Variants in SLC35F1 observed in about 807,000 individuals in gnomAD.
SLC35F1 encodes the protein chromosome 6 open reading frame 169.
SLC35F1 carries 14 observed loss-of-function variants against 48.7 expected under a neutral mutation model. That is an observed-to-expected ratio of 0.29 (90% CI 0.19 to 0.45). The LOEUF (loss-of-function observed/expected upper bound fraction) is 0.45, where lower values mean the gene tolerates loss of function less well. Ranked by LOEUF, SLC35F1 falls within the 20% of genes least tolerant of loss-of-function variation. The pLI, the probability that SLC35F1 is intolerant of heterozygous loss-of-function variation, is 1.00. For missense variants in SLC35F1, 404 were observed against 500.0 expected (o/e 0.81, Z 1.83); for synonymous variants, 190 against 202.2 (o/e 0.94, Z 0.51).
At chr6:118,038,618 T>TTTA (rs765594796) in intron 1 of SLC35F1, among the ~76,000 whole-genome samples, 10 of 151,614 alleles carry the variant, frequency 6.6e-5, no homozygotes, top group Admixed American at 1.3e-4. Flanking sequence ...TTCTAAATAT[T>TTTA]TTATTATTAT....
intron 1 of SLC35F1, among the ~76,000 whole-genome samples, chr6:118,098,183 A>T (rs542429893): frequency 6.6e-6 from 1 of 152,346 alleles, no homozygotes; most frequent in African/African-American, 2.4e-5. Context: ...ACACTTTTGT[A>T]TACATGCCTA....
At chr6:117,951,765 T>G (rs930505723) in intron 1 of SLC35F1, among the ~76,000 whole-genome samples, 1 of 152,214 alleles carries the variant, frequency 6.6e-6, no homozygotes, top group African/African-American at 2.4e-5. Context: ...GACCCCACAC[T>G]AATGCTCTTT....
chr6:118,187,559 C>T (rs1003612335), intron 2 of SLC35F1, among the ~76,000 whole-genome samples: 2 of 152,148 alleles, frequency 1.3e-5, no homozygotes, highest in African/African-American at 2.4e-5. Flanking sequence ...AATCAGTTTT[C>T]CCCTAGTTAT....
At chr6:118,120,079 C>T (rs1384997626) in intron 1 of SLC35F1, among the ~76,000 whole-genome samples, 1 of 152,192 alleles carries the variant, frequency 6.6e-6, no homozygotes. Flanking sequence ...CCACCTTCTA[C>T]AGTGCCTGGC....
intron 1 of SLC35F1, among the ~76,000 whole-genome samples, chr6:118,001,358 C>G: frequency 6.6e-6 from 1 of 152,066 alleles, no homozygotes; most frequent in East Asian, 1.9e-4. Flanking sequence ...GAAAGGATTC[C>G]CCATTTAATA....
chr6:118,063,390 A>C (rs1007001669), intron 1 of SLC35F1, among the ~76,000 whole-genome samples: 2 of 149,614 alleles, frequency 1.3e-5, no homozygotes, highest in African/African-American at 4.8e-5. Flanking sequence ...TCCTATGGTT[A>C]AGGCACCAGA....
chr6:118,003,399 T>C (rs1777131643), intron 1 of SLC35F1, among the ~76,000 whole-genome samples: 1 of 152,200 alleles, frequency 6.6e-6, no homozygotes, highest in Admixed American at 6.5e-5. Flanking sequence ...TGCAGCAGGT[T>C]CTGGTTGGTT....
At chr6:117,972,188 G>T (rs999328855) in intron 1 of SLC35F1, among the ~76,000 whole-genome samples, 3 of 152,268 alleles carry the variant, frequency 2.0e-5, no homozygotes, top group South Asian at 2.1e-4. Context: ...CAGTCTCTTT[G>T]CATTGCAAGA....
At chr6:118,121,054 T>A (rs577816568) in intron 1 of SLC35F1, among the ~76,000 whole-genome samples, 1 of 152,264 alleles carries the variant, frequency 6.6e-6, no homozygotes, top group East Asian at 1.9e-4. Context: ...AGGGTGCCAG[T>A]TAAAAATAGA....
chr6:118,150,602 C>A (rs1774041664), intron 1 of SLC35F1, among the ~76,000 whole-genome samples: 1 of 152,102 alleles, frequency 6.6e-6, no homozygotes, highest in Admixed American at 6.6e-5. Flanking sequence ...CAAAGAGATG[C>A]ACTCCATACA....
intron 1 of SLC35F1, among the ~76,000 whole-genome samples, chr6:118,079,257 T>C (rs568472207): frequency 1.3e-5 from 2 of 152,364 alleles, no homozygotes; most frequent in East Asian, 3.9e-4. Flanking sequence ...ATACCTTCTA[T>C]AAATGGAATC....
At chr6:117,968,740 C>T in intron 1 of SLC35F1, among the ~76,000 whole-genome samples, 1 of 152,140 alleles carries the variant, frequency 6.6e-6, no homozygotes, top group Non-Finnish European at 1.5e-5. Flanking sequence ...TATAAACCTG[C>T]TGTTTCTGGG....
At chr6:117,909,226 A>G (rs1775734032) in intron 1 of SLC35F1, among the ~76,000 whole-genome samples, 1 of 152,208 alleles carries the variant, frequency 6.6e-6, no homozygotes, top group Non-Finnish European at 1.5e-5. Flanking sequence ...ATAAAGTAGA[A>G]TAAAGCAAGA....
intron 6 of SLC35F1, among the ~76,000 whole-genome samples, chr6:118,283,029 C>T (rs1776002574): frequency 6.6e-6 from 1 of 152,170 alleles, no homozygotes; most frequent in Non-Finnish European, 1.5e-5. Context: ...ATGGCTTCCT[C>T]GTACAACTAG....
chr6:118,180,831 A>T (rs1003894980), intron 2 of SLC35F1, among the ~76,000 whole-genome samples: 3 of 152,120 alleles, frequency 2.0e-5, no homozygotes, highest in Non-Finnish European at 4.4e-5. Context: ...ACAAATGCCT[A>T]GGTTCTGACA....
At chr6:118,166,081 T>C (rs560618827) in intron 2 of SLC35F1, among the ~76,000 whole-genome samples, 2 of 152,232 alleles carry the variant, frequency 1.3e-5, no homozygotes, top group East Asian at 3.9e-4. Flanking sequence ...CTCCCATTTT[T>C]AGGCAAGATA....
chr6:118,157,162 G>A (rs1774156722), intron 2 of SLC35F1, among the ~76,000 whole-genome samples: 2 of 152,166 alleles, frequency 1.3e-5, no homozygotes, highest in Admixed American at 1.3e-4. Flanking sequence ...TGAGGATATA[G>A]GAGAGCAAGG....
intron 1 of SLC35F1, among the ~76,000 whole-genome samples, chr6:117,939,106 C>A (rs1776197121): frequency 6.7e-6 from 1 of 149,096 alleles, no homozygotes; most frequent in Admixed American, 6.8e-5. Flanking sequence ...CTCAAATGAT[C>A]TTCCTGCTTC....
intron 2 of SLC35F1, among the ~76,000 whole-genome samples, chr6:118,207,697 T>C (rs1032455032): frequency 1.3e-5 from 2 of 152,176 alleles, no homozygotes; most frequent in Non-Finnish European, 2.9e-5. Flanking sequence ...GTTTTCTGTT[T>C]CTCCAAAGCT....
Sources: gnomAD v4.1 joint callset for allele counts (sites outside exome capture counted in the v4.1 genomes callset) on GRCh38, gnomAD v4.1.1 for gene constraint, MANE v1.5 for transcripts, NCBI Gene and HGNC (gene_info 2026-07-23, HGNC 2026-07-21) for gene names.